The following SBF2 variants were observed in gnomAD, a reference collection of about 807,000 sequenced individuals.
SBF2 encodes the protein myotubularin-related protein 13.
In SBF2, 112 loss-of-function variants were observed where a neutral mutation model predicts 225.2. That is an observed-to-expected ratio of 0.50 (90% confidence interval 0.43 to 0.58). The LOEUF (loss-of-function observed/expected upper bound fraction) is 0.58, where lower values mean the gene tolerates loss of function less well. Ranked by LOEUF, SBF2 falls within the 20% of genes least tolerant of loss-of-function variation. The probability of loss-of-function intolerance (pLI) is 0.00; values close to 1 mark genes in which losing one functional copy is unlikely to be tolerated. For missense variants in SBF2, 1,996 were observed against 2,206.2 expected (o/e 0.90, Z 1.91); for synonymous variants, 763 against 773.3 (o/e 0.99, Z 0.22).
At chr11:10,180,249 T>C (rs1402159352) in intron 2 of SBF2, among the ~76,000 whole-genome samples, 1 of 152,180 alleles carries the variant, frequency 6.6e-6, no homozygotes, top group Non-Finnish European at 1.5e-5. Context: ...CCTTTATCAT[T>C]TCTTGTAAGA....
intron 1 of SBF2, among the ~76,000 whole-genome samples, chr11:10,219,508 G>C (rs776509073): frequency 3.3e-5 from 5 of 152,168 alleles, no homozygotes; most frequent in Middle Eastern, 3.2e-3. Context: ...CCATTGTCTT[G>C]GTGATTAACA....
intron 3 of SBF2, 104 bp downstream of exon 3, chr11:10,042,740 C>T: frequency 1.7e-6 from 2 of 1,158,968 alleles, no homozygotes; most frequent in Non-Finnish European, 2.6e-6. Context: ...CTTATGCTAG[C>T]CCATAAAACT....
intron 16 of SBF2, among the ~76,000 whole-genome samples, chr11:9,939,287 G>C (rs911178328): frequency 1.8e-4 from 28 of 152,010 alleles, no homozygotes; most frequent in Admixed American, 3.9e-4. Flanking sequence ...AAGTAGAGAC[G>C]GGGTTTCACC....
At chr11:10,019,023 T>A (rs1948748696) in intron 6 of SBF2, among the ~76,000 whole-genome samples, 1 of 152,166 alleles carries the variant, frequency 6.6e-6, no homozygotes, top group Non-Finnish European at 1.5e-5. Context: ...TCTATTATTG[T>A]GCTAATTATA....
At chr11:10,016,024 G>A (rs536245726) in intron 6 of SBF2, among the ~76,000 whole-genome samples, 11 of 152,104 alleles carry the variant, frequency 7.2e-5, no homozygotes, top group Admixed American at 3.3e-4. Flanking sequence ...TGATCGACCC[G>A]CCTCGGCCTC....
At chr11:10,191,000 T>C (rs750858605) in intron 2 of SBF2, among the ~76,000 whole-genome samples, 2 of 152,202 alleles carry the variant, frequency 1.3e-5, no homozygotes, top group Non-Finnish European at 2.9e-5. Flanking sequence ...GTAAAGTTAT[T>C]TAAATTTCCT....
intron 14 of SBF2, among the ~76,000 whole-genome samples, chr11:9,967,493 T>A (rs1407494882): frequency 6.6e-6 from 1 of 152,186 alleles, no homozygotes; most frequent in Admixed American, 6.5e-5. Flanking sequence ...ATTCTATTTA[T>A]ATAAAATGTC....
At chr11:9,831,306 A>G (rs945557838) in intron 27 of SBF2, among the ~76,000 whole-genome samples, 4 of 152,162 alleles carry the variant, frequency 2.6e-5, no homozygotes, top group Non-Finnish European at 5.9e-5. Context: ...GCCCCTTCTT[A>G]TGTTCTAACA....
At chr11:10,229,831 G>C (rs1032641105) in intron 1 of SBF2, among the ~76,000 whole-genome samples, 3 of 152,140 alleles carry the variant, frequency 2.0e-5, no homozygotes, top group African/African-American at 7.2e-5. Context: ...TATTAGGTCC[G>C]CTTGGTGCAG....
intron 17 of SBF2, among the ~76,000 whole-genome samples, chr11:9,870,973 A>G (rs1836125799): frequency 3.1e-5 from 2 of 64,968 alleles, no homozygotes; most frequent in South Asian, 4.5e-4. Flanking sequence ...AATCCGTCTG[A>G]AAAAAAAAAA....
At chr11:10,061,230 A>C (rs959682673) in intron 2 of SBF2, among the ~76,000 whole-genome samples, 4 of 152,092 alleles carry the variant, frequency 2.6e-5, no homozygotes, top group Non-Finnish European at 5.9e-5. Context: ...TCTATGACAA[A>C]CTCACAGCCC....
rs144376756 is a variant in SBF2, at chr11:9,828,094, C to T, written c.3793+1262G>A. 4,491 of 1,197,868 alleles carry T rather than the reference C, an allele frequency of 3.7e-3. 10 individuals are homozygous for T. Among genetic ancestry groups the T allele is most frequent in the Admixed American group, 7.4e-3 (273 of 36,928 alleles). 74.2% of individuals were successfully genotyped at this position (1,197,868 alleles called of 1,614,324 possible). A position where few individuals can be genotyped will look rare whatever the true frequency, so the allele number is the denominator to read the frequency against. On this transcript the variant is annotated intron_variant, in intron 28 of 39. Coordinates refer to ENST00000256190, the MANE Select transcript of SBF2 (RefSeq NM_030962.4). ...ATGCTTTCTGCTTTTAAGCTTGCATCAGTGCTCAGTTATAAAATCAATCTT... is the reference window on the plus strand; with the variant it reads ...ATGCTTTCTGCTTTTAAGCTTGCATTAGTGCTCAGTTATAAAATCAATCTT...
chr11:10,111,746 G>A (rs557546125), intron 2 of SBF2, among the ~76,000 whole-genome samples: 46 of 152,134 alleles, frequency 3.0e-4, no homozygotes, highest in African/African-American at 1.0e-3. Flanking sequence ...GCGCGGTGGC[G>A]CACGCCTGTA....
intron 16 of SBF2, among the ~76,000 whole-genome samples, chr11:9,923,233 C>T (rs1046485012): frequency 2.0e-5 from 3 of 152,126 alleles, no homozygotes; most frequent in African/African-American, 4.8e-5. Flanking sequence ...TTTCTTTATA[C>T]TAGATCTCTC....
chr11:10,264,057 T>C (rs1376495114), intron 1 of SBF2, among the ~76,000 whole-genome samples: 1 of 152,182 alleles, frequency 6.6e-6, no homozygotes, highest in Non-Finnish European at 1.5e-5. Flanking sequence ...CTAAGGAATA[T>C]TTGTCAACAG....
intron 2 of SBF2, among the ~76,000 whole-genome samples, chr11:10,160,536 C>T (rs79023429): frequency 0.076 from 11,565 of 152,176 alleles, 625 homozygotes; most frequent in East Asian, 0.28. Flanking sequence ...AGTACATACA[C>T]CACAATGTTA....
intron 3 of SBF2, among the ~76,000 whole-genome samples, chr11:10,037,177 AT>A (rs1235749417): frequency 2.6e-5 from 4 of 152,178 alleles, no homozygotes; most frequent in African/African-American, 4.8e-5. Flanking sequence ...GAGAAGACAG[AT>A]TCTTTGGTAA....
intron 1 of SBF2, among the ~76,000 whole-genome samples, chr11:10,198,614 AT>A (rs1345993070): frequency 6.6e-6 from 1 of 152,216 alleles, no homozygotes; most frequent in African/African-American, 2.4e-5. Context: ...GAAGCCAAGC[AT>A]TTACTTCTGC....
intron 9 of SBF2, among the ~76,000 whole-genome samples, chr11:9,994,496 A>T (rs1463295821): frequency 6.6e-6 from 1 of 150,416 alleles, no homozygotes; most frequent in Non-Finnish European, 1.5e-5. Context: ...AAGAAAAGAA[A>T]ACATGTTCTA....
Sources: gnomAD v4.1 joint callset for allele counts (sites outside exome capture counted in the v4.1 genomes callset) on GRCh38, gnomAD v4.1.1 for gene constraint, MANE v1.5 for transcripts, NCBI Gene and HGNC (gene_info 2026-07-23, HGNC 2026-07-21) for gene names.